FGF5: variants seen among roughly 807,000 people sequenced by gnomAD.
FGF5 encodes the protein heparin-binding growth factor 5.
In FGF5, 23 loss-of-function variants were observed where a neutral mutation model predicts 21.8. The ratio of observed to expected loss-of-function variants is 1.05; its 90% CI spans 0.76 to 1.49. The LOEUF is 1.49. FGF5 is among the 40% of genes most tolerant of loss of function. The pLI, the probability that FGF5 is intolerant of heterozygous loss-of-function variation, is 0.00. For missense variants in FGF5, 352 were observed against 332.9 expected, an observed-to-expected ratio of 1.06 and a Z score of -0.45; for synonymous variants, 158 against 124.0, an observed-to-expected ratio of 1.27 and a Z score of -1.82.
chr4:80,272,220 T>C (rs2109919137), intron 1 of FGF5, among the ~76,000 whole-genome samples: 1 of 152,340 alleles, frequency 6.6e-6, no homozygotes, highest in Non-Finnish European at 1.5e-5. Context: ...GTAAAGTGTA[T>C]TTTTAAGCTT....
chr4:80,286,945 T>C lies in FGF5; in HGVS notation c.*273T>C, dbSNP rs1720751497. 1 of 301,376 alleles carries C rather than the reference T, an allele frequency of 3.3e-6. No homozygotes were observed. Among genetic ancestry groups the C allele is most frequent in the African/African-American group, 2.1e-5 (1 of 47,044 alleles). The allele number at this position is 301,376 out of a possible 1,614,324, so 18.7% of individuals were successfully genotyped here. Reference sequence around the variant, plus strand: ...TTGAGGGATATTTAGAACTTTGTATTTTCGGAAAGTTAAATAACAGGGACT... The same window carrying C: ...TTGAGGGATATTTAGAACTTTGTATCTTCGGAAAGTTAAATAACAGGGACT... On this transcript the variant is annotated 3_prime_UTR_variant, in exon 3 of 3. Coordinates refer to ENST00000312465, the MANE Select transcript of FGF5 (RefSeq NM_004464.4).
chr4:80,284,945 C>T (rs991718706), intron 2 of FGF5, among the ~76,000 whole-genome samples: 12 of 152,124 alleles, frequency 7.9e-5, no homozygotes, highest in Admixed American at 2.6e-4. Context: ...TTCTCAAACA[C>T]GGGAATTCTG....
Position 80,286,496 on chromosome 4 carries a change from A to G in FGF5, c.631A>G (p.Ile211Val), listed in dbSNP as rs900532451. 3.7e-6 allele frequency: 6 copies of G among 1,613,960 alleles called. No homozygotes were observed. Among genetic ancestry groups the G allele is most frequent in the Non-Finnish European group, 5.1e-6 (6 of 1,180,012 alleles). Residue 211 changes from isoleucine to valine, a missense_variant, in exon 3 of 3, where the codon ATC (isoleucine) becomes GTC (valine). Coordinates refer to ENST00000312465, the MANE Select transcript of FGF5 (RefSeq NM_004464.4). The part of the protein sequence containing the change: ...GCSPRVKPQH[I>V]STHFLPRFKQ... ...CAGCCCCCGGGTTAAACCCCAGCAT[A>G]TCTCTACCCATTTTCTGCCAAGATT... is the stretch of plus-strand genomic sequence containing the variant.
At position 80,286,569 on chromosome 4, in the gene FGF5, A is replaced by G. The variant is rs1720732558; in HGVS notation, c.704A>G (p.Glu235Gly). The change falls in exon 3 of 3, where the codon GAA becomes GGA. Residue 235 changes from glutamate (E) to glycine (G), a missense_variant. By Grantham distance (98) the Glu-to-Gly change is moderately conservative. Transcript: ENST00000312465. Reference sequence around the variant, plus strand: ...CTTTCTTTCACGGTTACTGTTCCTGAAAAGAAAAAGCCACCTAGCCCTATC... The same window carrying G: ...CTTTCTTTCACGGTTACTGTTCCTGGAAAGAAAAAGCCACCTAGCCCTATC... ...PELSFTVTVP[E>G]KKKPPSPIKP... is the part of the protein sequence containing the mutation. The G allele has an allele frequency of 1.2e-6, 2 of 1,614,082 alleles. No individual in the cohort carries two copies. Among genetic ancestry groups the G allele is most frequent in the Non-Finnish European group, 1.7e-6 (2 of 1,179,978 alleles).
rs1241188997 is a variant in FGF5, at chr4:80,290,435, A to G, written c.*3763A>G. ...GACAAAGAGTTACCTCCTCCATCTTACTCTGCCCTATTTGAAAGTCTCAGG... is the reference window on the plus strand; with the variant it reads ...GACAAAGAGTTACCTCCTCCATCTTGCTCTGCCCTATTTGAAAGTCTCAGG... On this transcript the variant is annotated 3_prime_UTR_variant, in exon 3 of 3. Transcript: ENST00000312465. 1.3e-5 allele frequency: 2 copies of G among 152,022 alleles called. No individual in the cohort carries two copies. The highest frequency in any genetic ancestry group is 2.4e-5 in the African/African-American group (1 of 41,390). 9.4% of individuals were successfully genotyped at this position (152,022 alleles called of 1,614,324 possible). A position where few individuals can be genotyped will look rare whatever the true frequency, so the allele number is the denominator to read the frequency against.
At chr4:80,278,814 C>T (rs143565938) in intron 2 of FGF5, among the ~76,000 whole-genome samples, 14 of 152,240 alleles carry the variant, frequency 9.2e-5, no homozygotes, top group Admixed American at 2.0e-4. Context: ...AAATTCTTGT[C>T]GTGCAGGTTT....
rs1008034685 is a variant in FGF5 at position 80,286,329 on chromosome 4, A to C, written c.464A>C (p.Lys155Thr). ...SKKGKLHASA[K>T]FTDDCKFRER... The stretch of plus-strand genomic sequence containing the variant: ...CTCTTTTTTTCTCCTCCTTAGGCCA[A>C]GTTCACAGATGACTGCAAGTTCAGG... The change falls in exon 3 of 3, where the codon AAG becomes ACG. Residue 155 changes from lysine (K) to threonine (T), a missense_variant. By Grantham distance (78) the Lys-to-Thr change is moderately conservative (BLOSUM62 -1). Coordinates refer to ENST00000312465, the MANE Select transcript of FGF5 (RefSeq NM_004464.4). 8 of 1,577,104 alleles carry C rather than the reference A, an allele frequency of 5.1e-6. No individual in the cohort carries two copies. Among genetic ancestry groups the C allele is most frequent in the Non-Finnish European group, 1.7e-6 (2 of 1,161,430 alleles).
In FGF5 at chr4:80,285,083, T is replaced by A. The variant is rs34858908; in HGVS notation, c.460-1242T>A. Among the ~76,000 whole-genome samples the A allele has an allele frequency of 4.1e-3, 621 of 152,304 alleles. 7 individuals are homozygous for A. Among genetic ancestry groups the A allele is most frequent in the African/African-American group, 0.014 (592 of 41,562 alleles). On this transcript the variant is annotated intron_variant, in intron 2 of 2. Transcript: ENST00000312465. ...TACAGAATCCTCCTTTGGATTCTCA[T>A]AACAGCCCTATTGTTGTAAGTGTTA...
intron 2 of FGF5, among the ~76,000 whole-genome samples, chr4:80,283,748 T>C (rs1720634010): frequency 6.6e-6 from 1 of 152,112 alleles, no homozygotes; most frequent in Non-Finnish European, 1.5e-5. Flanking sequence ...TTACACATTT[T>C]CAAAAATGTC....
chr4:80,284,098 A>G (rs1226890285), intron 2 of FGF5, among the ~76,000 whole-genome samples: 1 of 152,202 alleles, frequency 6.6e-6, no homozygotes, highest in Non-Finnish European at 1.5e-5. Flanking sequence ...TGTATCGTAG[A>G]CAGGGTGAAA....
At position 80,266,851 on chromosome 4, in the gene FGF5, C is replaced by T; in HGVS notation, c.27C>T (p.Leu9=). ...TGAGCTTGTCCTTCCTCCTCCTCCTCTTCTTCAGCCACCTGATCCTCAGCG... is the reference window on the plus strand; with the variant it reads ...TGAGCTTGTCCTTCCTCCTCCTCCTTTTCTTCAGCCACCTGATCCTCAGCG... MSLSFLLL[L]FFSHLILSAW... Residue 9 remains leucine (L), a synonymous_variant, in exon 1 of 3, where the codon CTC becomes CTT. Transcript: ENST00000312465. 2.5e-6 allele frequency: 4 copies of T among 1,603,522 alleles called. No homozygotes were observed. Among genetic ancestry groups the T allele is most frequent in the South Asian group, 2.2e-5 (2 of 89,450 alleles).
At chr4:80,283,214 T>C (rs975826610) in intron 2 of FGF5, among the ~76,000 whole-genome samples, 2 of 152,204 alleles carry the variant, frequency 1.3e-5, no homozygotes, top group African/African-American at 4.8e-5. Context: ...CCCGTATTAA[T>C]GTAGAATGTA....
At chr4:80,278,773 T>C (rs954724290) in intron 2 of FGF5, among the ~76,000 whole-genome samples, 1 of 152,204 alleles carries the variant, frequency 6.6e-6, no homozygotes, top group African/African-American at 2.4e-5. Flanking sequence ...TTCAAACTTT[T>C]ATTGGTATAC....
chr4:80,271,583 T>A (rs940756348), intron 1 of FGF5, among the ~76,000 whole-genome samples: 1 of 152,170 alleles, frequency 6.6e-6, no homozygotes, highest in Non-Finnish European at 1.5e-5. Flanking sequence ...AAGACACCTG[T>A]CCATACTTGT....
At chr4:80,274,129 T>C (rs907148777) in intron 1 of FGF5, among the ~76,000 whole-genome samples, 3 of 152,162 alleles carry the variant, frequency 2.0e-5, no homozygotes, top group African/African-American at 7.2e-5. Flanking sequence ...TGTAATTCTC[T>C]TGATCCAGTG....
Position 80,274,908 on chromosome 4 carries a change from G to A in FGF5, c.356-1G>A. ...TTATTTTGGGATTTCTGTCATCCTA[G>A]GTGTTTTGGAAATATTTGCTGTGTC... On this transcript the variant is annotated splice_acceptor_variant, in intron 1 of 2. Coordinates refer to ENST00000312465, the MANE Select transcript of FGF5 (RefSeq NM_004464.4). LOFTEE classifies it high-confidence loss of function. The A allele has an allele frequency of 7.0e-7, 1 of 1,430,814 alleles. No homozygotes were observed. The highest frequency in any genetic ancestry group is 9.8e-7 in the Non-Finnish European group (1 of 1,019,746). The allele number at this position is 1,430,814 out of a possible 1,614,324, so 88.6% of individuals were successfully genotyped here. A position where few individuals can be genotyped will look rare whatever the true frequency, so the allele number is the denominator to read the frequency against.
Position 80,286,679 on chromosome 4 carries a change from T to C in FGF5, c.*7T>C. ...CAAGTTTCGCTTTGGATAATATTCC[T>C]CTTGGCCTTGTGAGAAACCATTCTT... On this transcript the variant is annotated 3_prime_UTR_variant, in exon 3 of 3. Transcript: ENST00000312465. 1.2e-6 allele frequency: 2 copies of C among 1,607,184 alleles called. No homozygotes were observed. Among genetic ancestry groups the C allele is most frequent in the Non-Finnish European group, 1.7e-6 (2 of 1,174,818 alleles).
At chr4:80,280,260 C>T (rs1016540828) in intron 2 of FGF5, among the ~76,000 whole-genome samples, 3 of 152,304 alleles carry the variant, frequency 2.0e-5, no homozygotes, top group East Asian at 1.9e-4. Flanking sequence ...ACTCTGCCTT[C>T]GCAGTAAATG....
chr4:80,290,399 G>C lies in FGF5; in HGVS notation c.*3727G>C, dbSNP rs758515262. The C allele has an allele frequency of 9.9e-5, 15 of 152,010 alleles. No homozygotes were observed. The highest frequency in any genetic ancestry group is 2.1e-4 in the Non-Finnish European group (14 of 68,022). 9.4% of individuals were successfully genotyped at this position (152,010 alleles called of 1,614,324 possible). A position where few individuals can be genotyped will look rare whatever the true frequency, so the allele number is the denominator to read the frequency against. Reference sequence around the variant, plus strand: ...TTTTGAAATAAGATTATATGATTAGGTATTAGCAGAGACAAAGAGTTACCT... The same window carrying C: ...TTTTGAAATAAGATTATATGATTAGCTATTAGCAGAGACAAAGAGTTACCT... On this transcript the variant is annotated 3_prime_UTR_variant, in exon 3 of 3. Coordinates refer to ENST00000312465, the MANE Select transcript of FGF5 (RefSeq NM_004464.4).
Sources: gnomAD v4.1 joint callset for allele counts (sites outside exome capture counted in the v4.1 genomes callset) on GRCh38, gnomAD v4.1.1 for gene constraint, MANE v1.5 for transcripts, NCBI Gene and HGNC (gene_info 2026-07-23, HGNC 2026-07-21) for gene names.